Variants in APLF observed in about 807,000 individuals in gnomAD.
The protein encoded by APLF is aprataxin and PNKP like factor.
APLF carries 61 observed loss-of-function variants against 55.6 expected under a neutral mutation model. The ratio of observed to expected loss-of-function variants is 1.10; its 90% confidence interval spans 0.89 to 1.36. The LOEUF is 1.36. Among genes scored for constraint, APLF ranks in the 40% most tolerant of loss-of-function variants. The pLI, the probability that APLF is intolerant of heterozygous loss-of-function variation, is 0.00. For missense variants in APLF, 611 were observed against 602.5 expected (o/e 1.01, Z -0.15); for synonymous variants, 207 against 214.8 (o/e 0.96, Z 0.32).
chr2:68,486,401 T>C (rs993064463), intron 1 of APLF, among the ~76,000 whole-genome samples: 9 of 152,164 alleles, frequency 5.9e-5, no homozygotes, highest in African/African-American at 2.2e-4. Flanking sequence ...CTCTTTTGGA[T>C]TCTCTATTAG....
chr2:68,476,702 T>C (rs1435350787), intron 1 of APLF, among the ~76,000 whole-genome samples: 1 of 151,916 alleles, frequency 6.6e-6, no homozygotes, highest in East Asian at 1.9e-4. Context: ...AATTTTATTA[T>C]TAATATTCTG....
At chr2:68,535,246 T>C (rs1402872913) in intron 6 of APLF, 1 of 391,196 alleles carries the variant, frequency 2.6e-6, no homozygotes, top group East Asian at 9.3e-5. Context: ...TTCATTTTCA[T>C]TGGCTTATTT....
chr2:68,494,250 C>T (rs528222182), intron 2 of APLF, among the ~76,000 whole-genome samples: 104 of 137,090 alleles, frequency 7.6e-4, no homozygotes, highest in Non-Finnish European at 1.3e-3. Flanking sequence ...TGTAATCCAG[C>T]CTAGGAGACA....
At chr2:68,500,481 C>T (rs533926698) in intron 2 of APLF, among the ~76,000 whole-genome samples, 19 of 152,258 alleles carry the variant, frequency 1.2e-4, no homozygotes, top group Non-Finnish European at 2.2e-4. Context: ...AATGTAGTTT[C>T]CTTAAGTATG....
At chr2:68,527,313 G>T (rs1291403523) in intron 6 of APLF, among the ~76,000 whole-genome samples, 4 of 151,524 alleles carry the variant, frequency 2.6e-5, no homozygotes, top group Admixed American at 2.6e-4. Context: ...AGGCAGAGGC[G>T]CTCCTCATTT....
intron 8 of APLF, chr2:68,563,199 A>C: frequency 2.0e-6 from 2 of 985,254 alleles, no homozygotes; most frequent in Non-Finnish European, 2.4e-6. Flanking sequence ...ACGTTCTAGG[A>C]AAGGATGGAA....
intron 5 of APLF, among the ~76,000 whole-genome samples, chr2:68,516,442 A>T (rs915542494): frequency 6.6e-6 from 1 of 151,134 alleles, no homozygotes; most frequent in African/African-American, 2.4e-5. Context: ...TATTATATAT[A>T]TATTTTTTAT....
At chr2:68,503,035 C>A in intron 3 of APLF, 132 bp downstream of exon 3, 2 of 893,444 alleles carry the variant, frequency 2.2e-6, no homozygotes, top group Non-Finnish European at 1.7e-6. Context: ...TGTGTGTACG[C>A]ATGTGTGTGT....
At chr2:68,515,536 A>C (rs1333124834) in intron 5 of APLF, 1 of 946,492 alleles carries the variant, frequency 1.1e-6, no homozygotes, top group Non-Finnish European at 1.3e-6. Context: ...GCTTATAATA[A>C]TAGTTCAACA....
intron 5 of APLF, among the ~76,000 whole-genome samples, chr2:68,523,878 T>TAATGCAC (rs1017861741): frequency 2.6e-5 from 4 of 151,962 alleles, no homozygotes; most frequent in Admixed American, 2.6e-4. Context: ...AAGAGCATTT[T>TAATGCAC]AATAATATCA....
chr2:68,488,991 A>T lies in APLF; in HGVS notation c.97-1199A>T, dbSNP rs532055612. Among the ~76,000 whole-genome samples, 6 of 152,148 alleles carry T rather than the reference A, an allele frequency of 3.9e-5. No individual in the cohort carries two copies. The East Asian group carries it at 1.2e-3, about 29-fold the overall frequency. On this transcript the variant is annotated intron_variant, in intron 1 of 9. Transcript: ENST00000303795. Reference sequence around the variant, plus strand: ...GTATAATAATAAAAAAAAAGGTACAATCTGGGAAAAAGAAAGGAATCTTTA... The same window carrying T: ...GTATAATAATAAAAAAAAAGGTACATTCTGGGAAAAAGAAAGGAATCTTTA...
At position 68,563,363 on chromosome 2, in the gene APLF, T is replaced by C. The variant is rs1671216739; in HGVS notation, c.1287-3978T>C. 4.1e-6 allele frequency: 4 copies of C among 982,684 alleles called. No homozygotes were observed. In the African/African-American group the frequency reaches 7.0e-5, roughly 17 times the overall value. 60.9% of individuals were successfully genotyped at this position (982,684 alleles called of 1,614,324 possible). A position where few individuals can be genotyped will look rare whatever the true frequency, so the allele number is the denominator to read the frequency against. ...AAATGTAACACTTCTTTCATAGTTA[T>C]TTGCTCATTTATTCTGAAATGACTT... On this transcript the variant is annotated intron_variant, in intron 8 of 9. Coordinates refer to ENST00000303795, the MANE Select transcript of APLF (RefSeq NM_173545.3).
chr2:68,564,534 G>T (rs974010376), intron 8 of APLF, among the ~76,000 whole-genome samples: 1 of 152,020 alleles, frequency 6.6e-6, no homozygotes, highest in Non-Finnish European at 1.5e-5. Context: ...TAATAATGAA[G>T]GGATCAAAGG....
At chr2:68,473,061 CTT>C (rs1675669572) in intron 1 of APLF, among the ~76,000 whole-genome samples, 1 of 152,100 alleles carries the variant, frequency 6.6e-6, no homozygotes, top group Admixed American at 6.6e-5. Context: ...GGGGTTAACT[CTT>C]GGTATTGTAC....
intron 1 of APLF, among the ~76,000 whole-genome samples, chr2:68,479,232 C>T (rs758815828): frequency 2.0e-5 from 3 of 152,162 alleles, no homozygotes; most frequent in Non-Finnish European, 4.4e-5. Flanking sequence ...CTAGAGAGAA[C>T]ATCACGAGTC....
Position 68,467,824 on chromosome 2 carries a change from G to A in APLF, c.93G>A (p.Leu31=), listed in dbSNP as rs1675476660. The A allele has an allele frequency of 4.9e-6, 6 of 1,232,688 alleles. No individual in the cohort carries two copies. 76.4% of individuals were successfully genotyped at this position (1,232,688 alleles called of 1,614,324 possible). ...GETVIGRGPL[L]GITDKRVSRR... Reference sequence around the variant, plus strand: ...CGGTGATCGGCCGCGGGCCGCTGCTGGGAGTAAGTGTGGGCGGGGGCTTAG... The same window carrying A: ...CGGTGATCGGCCGCGGGCCGCTGCTAGGAGTAAGTGTGGGCGGGGGCTTAG... The change falls in exon 1 of 10, where the codon CTG becomes CTA. Residue 31 remains leucine, a synonymous_variant. Coordinates refer to ENST00000303795, the MANE Select transcript of APLF (RefSeq NM_173545.3).
chr2:68,573,348 G>C (rs1288892190), intron 9 of APLF, among the ~76,000 whole-genome samples: 3 of 152,086 alleles, frequency 2.0e-5, no homozygotes, highest in Admixed American at 6.5e-5. Context: ...AAATATCTTT[G>C]TGATCATTTA....
Position 68,578,856 on chromosome 2 carries a change from T to C in APLF, c.*834T>C. ...ACCTCAGATGAAAGTAGCAAGTTGT[T>C]TGCCAGTTGAAAGTTCAAGATTCTG... On this transcript the variant is annotated 3_prime_UTR_variant, in exon 10 of 10. Coordinates refer to ENST00000303795, the MANE Select transcript of APLF (RefSeq NM_173545.3). The C allele has an allele frequency of 1.0e-6, 1 of 985,366 alleles. No individual in the cohort carries two copies. Among genetic ancestry groups the C allele is most frequent in the Non-Finnish European group, 1.2e-6 (1 of 829,876 alleles). 61.0% of individuals were successfully genotyped at this position (985,366 alleles called of 1,614,324 possible). A position where few individuals can be genotyped will look rare whatever the true frequency, so the allele number is the denominator to read the frequency against.
intron 6 of APLF, chr2:68,528,357 G>A: frequency 6.5e-7 from 1 of 1,528,166 alleles, no homozygotes; most frequent in Non-Finnish European, 8.8e-7. Context: ...CCTTCTCTTT[G>A]GGAAGCCTGA....
Sources: gnomAD v4.1 joint callset for allele counts (sites outside exome capture counted in the v4.1 genomes callset) on GRCh38, gnomAD v4.1.1 for gene constraint, MANE v1.5 for transcripts, NCBI Gene and HGNC (gene_info 2026-07-23, HGNC 2026-07-21) for gene names.